DBNL: variants seen among roughly 807,000 people sequenced by gnomAD.
The protein encoded by DBNL is drebrin-like protein.
DBNL carries 35 observed loss-of-function variants against 62.2 expected under a neutral mutation model. That is an observed-to-expected ratio of 0.56 (90% confidence interval 0.43 to 0.75). The LOEUF is 0.75. Among genes scored for constraint, DBNL ranks in the 30% least tolerant of loss-of-function variants. The pLI, the probability that DBNL is intolerant of heterozygous loss-of-function variation, is 0.00. For missense variants in DBNL, 495 were observed against 578.4 expected (o/e 0.86, Z 1.48); for synonymous variants, 197 against 218.0 (o/e 0.90, Z 0.85).
Position 44,062,734 on chromosome 7 carries a change from G to A in DBNL, c.*1818G>A, listed in dbSNP as rs368555190. 2.5e-5 allele frequency: 40 copies of A among 1,612,182 alleles called. No individual in the cohort carries two copies. The African/African-American group carries it at 4.5e-4, about 18-fold the overall frequency. ...CTGCGCTGGACTCCAGGCTGTTGGG[G>A]GAGGTGCCTTTATTGCCCAAGCCCA... On this transcript the variant is annotated 3_prime_UTR_variant, in exon 13 of 13. Transcript: ENST00000448521.
chr7:44,064,798 C>T lies in DBNL; in HGVS notation c.*3882C>T, dbSNP rs1398021169. ...AGAAGCCAGCTGGGGCTGCTGCCCACCCACCCTGCCCAGGCTCCTGAAGGT... is the reference window on the plus strand; with the variant it reads ...AGAAGCCAGCTGGGGCTGCTGCCCATCCACCCTGCCCAGGCTCCTGAAGGT... On this transcript the variant is annotated 3_prime_UTR_variant, in exon 13 of 13. Coordinates refer to ENST00000448521, the MANE Select transcript of DBNL (RefSeq NM_001014436.3). The T allele has an allele frequency of 5.2e-6, 6 of 1,153,412 alleles. No homozygotes were observed. The highest frequency in any genetic ancestry group is 3.9e-5 in the South Asian group (3 of 77,838). The allele number at this position is 1,153,412 out of a possible 1,614,324, so 71.4% of individuals were successfully genotyped here.
In DBNL at chr7:44,063,278, TTTC is replaced by T. The variant is rs1279003429; in HGVS notation, c.*2365_*2367del. 1.3e-5 allele frequency: 4 copies of T among 318,830 alleles called. No individual in the cohort carries two copies. The highest frequency in any genetic ancestry group is 2.4e-5 in the Non-Finnish European group (4 of 167,288). The allele number at this position is 318,830 out of a possible 1,614,324, so 19.8% of individuals were successfully genotyped here. A position where few individuals can be genotyped will look rare whatever the true frequency, so the allele number is the denominator to read the frequency against. ...CTCACCCTTTGTTTTTTTTTTTTCT[TTTC>T]TTTTTCTTTTTCTTTTTTTTGAGAT... On this transcript the variant is annotated 3_prime_UTR_variant, in exon 13 of 13. Transcript: ENST00000448521.
At chr7:44,057,509 C>A (rs2096138614) in intron 5 of DBNL, among the ~76,000 whole-genome samples, 1 of 152,164 alleles carries the variant, frequency 6.6e-6, no homozygotes, top group Non-Finnish European at 1.5e-5. Flanking sequence ...CTTGCCCTGG[C>A]CCCCATCCAT....
Position 44,056,541 on chromosome 7 carries a change from A to C in DBNL, c.328-216A>C, listed in dbSNP as rs78345647. Among the ~76,000 whole-genome samples, 29 of 152,336 alleles carry C rather than the reference A, an allele frequency of 1.9e-4. No homozygotes were observed. The East Asian group carries it at 5.6e-3, about 29-fold the overall frequency. ...AGTGGAGGTCAAGGGTCTCACGTGA[A>C]CTGGGACAAGAATGAGGGGTTTGCT... On this transcript the variant is annotated intron_variant, in intron 4 of 12. Coordinates refer to ENST00000448521, the MANE Select transcript of DBNL (RefSeq NM_001014436.3).
Position 44,062,431 on chromosome 7 carries a change from G to A in DBNL, c.*1515G>A. On this transcript the variant is annotated 3_prime_UTR_variant, in exon 13 of 13. Coordinates refer to ENST00000448521, the MANE Select transcript of DBNL (RefSeq NM_001014436.3). ...GGGCTGTGGTCCTTGCTCCCCATGG[G>A]GAGAGCTGGGTCACTTGGCCTCTTC... 3.5e-5 allele frequency: 13 copies of A among 371,760 alleles called. No homozygotes were observed. The highest frequency in any genetic ancestry group is 3.0e-4 in the South Asian group (13 of 43,236). 23.0% of individuals were successfully genotyped at this position (371,760 alleles called of 1,614,324 possible). A position where few individuals can be genotyped will look rare whatever the true frequency, so the allele number is the denominator to read the frequency against.
In DBNL at chr7:44,064,926, C is replaced by A. The variant is rs150235677; in HGVS notation, c.*4010C>A. The A allele has an allele frequency of 5.0e-4, 810 of 1,610,820 alleles. 2 individuals are homozygous for A. Among genetic ancestry groups the A allele is most frequent in the Non-Finnish European group, 6.6e-4 (774 of 1,179,732 alleles). ...TGATCTGGGGAACAATCTCCTCGTT[C>A]CAGAAGGGCAGGGCCCGGGCAATGG... On this transcript the variant is annotated 3_prime_UTR_variant, in exon 13 of 13. Coordinates refer to ENST00000448521, the MANE Select transcript of DBNL (RefSeq NM_001014436.3).
In DBNL at chr7:44,066,389, C is replaced by T. The variant is rs1562662067; in HGVS notation, c.*5473C>T. The T allele has an allele frequency of 6.6e-6, 1 of 152,432 alleles. No homozygotes were observed. The allele number at this position is 152,432 out of a possible 1,614,324, so 9.4% of individuals were successfully genotyped here. Reference sequence around the variant, plus strand: ...GCTGAAGGGTGGCACGGAGTTGAGTCTAGGACCAAGACTTCTGCATTCAGG... The same window carrying T: ...GCTGAAGGGTGGCACGGAGTTGAGTTTAGGACCAAGACTTCTGCATTCAGG... On this transcript the variant is annotated 3_prime_UTR_variant, in exon 13 of 13. Coordinates refer to ENST00000448521, the MANE Select transcript of DBNL (RefSeq NM_001014436.3).
Position 44,060,764 on chromosome 7 carries a change from A to T in DBNL, c.1154-13A>T. On this transcript the variant is annotated splice_polypyrimidine_tract_variant and intron_variant, in intron 12 of 12. Transcript: ENST00000448521. This position sits in a 1 kb window ranked among gnomAD's most constrained non-coding sequence, Gnocchi z 6.3. ...GAGCCCCTGATATGCATCTGGGCTC[A>T]TCCTCTTTGCAGCCGACGACACAGA... 6.2e-7 allele frequency: 1 copy of T among 1,612,932 alleles called. No individual in the cohort carries two copies. The highest frequency in any genetic ancestry group is 1.3e-5 in the African/African-American group (1 of 74,990).
chr7:44,044,883 C>A (rs768986974), intron 1 of DBNL, 63 bp downstream of exon 1: 10 of 1,314,660 alleles, frequency 7.6e-6, no homozygotes, highest in South Asian at 7.3e-5. Flanking sequence ...CTGTCTGGGG[C>A]GAGCGGGGGA....
rs1375171028 is a variant in DBNL, at chr7:44,065,301, T to C, written c.*4385T>C. On this transcript the variant is annotated 3_prime_UTR_variant, in exon 13 of 13. Coordinates refer to ENST00000448521, the MANE Select transcript of DBNL (RefSeq NM_001014436.3). ...CAAGTGCGCACCACAGGCAGCCACA[T>C]CTGGTCCGTGCCGTCCAGGATGGCC... 6.2e-7 allele frequency: 1 copy of C among 1,613,668 alleles called. No homozygotes were observed. Among genetic ancestry groups the C allele is most frequent in the Non-Finnish European group, 8.5e-7 (1 of 1,180,030 alleles).
chr7:44,058,392 A>C, intron 7 of DBNL, 40 bp from the exon 8 acceptor site: 1 of 1,613,978 alleles, frequency 6.2e-7, no homozygotes, highest in Non-Finnish European at 8.5e-7. Flanking sequence ...AGAAGCTGTG[A>C]CTGTGCCTCA....
chr7:44,063,079 A>G lies in DBNL; in HGVS notation c.*2163A>G, dbSNP rs2096152226. 4 of 840,480 alleles carry G rather than the reference A, an allele frequency of 4.8e-6. No homozygotes were observed. Among genetic ancestry groups the G allele is most frequent in the Non-Finnish European group, 7.9e-6 (4 of 505,576 alleles). 52.1% of individuals were successfully genotyped at this position (840,480 alleles called of 1,614,324 possible). On this transcript the variant is annotated 3_prime_UTR_variant, in exon 13 of 13. Transcript: ENST00000448521. Reference sequence around the variant, plus strand: ...AGAACGAGGCCACAGAAATGTTGCCAAAGGTCAAGGAGTAACTGAGTTAGA... The same window carrying G: ...AGAACGAGGCCACAGAAATGTTGCCGAAGGTCAAGGAGTAACTGAGTTAGA...
chr7:44,045,371 T>C (rs766999127), intron 1 of DBNL, among the ~76,000 whole-genome samples: 1 of 152,208 alleles, frequency 6.6e-6, no homozygotes, highest in Non-Finnish European at 1.5e-5. Flanking sequence ...GAACGTGGAC[T>C]TCAGAACTTT....
At chr7:44,049,437 C>G (rs1217327437) in intron 1 of DBNL, among the ~76,000 whole-genome samples, 1 of 152,244 alleles carries the variant, frequency 6.6e-6, no homozygotes, top group Non-Finnish European at 1.5e-5. Context: ...GCTGGGATTA[C>G]AGGCGTGAGC....
intron 3 of DBNL, 25 bp downstream of exon 3, chr7:44,051,967 G>A: frequency 6.2e-7 from 1 of 1,603,986 alleles, no homozygotes; most frequent in Non-Finnish European, 8.5e-7. Context: ...TTTCATCTAG[G>A]TGTGACCCAG....
intron 5 of DBNL, 104 bp from the exon 6 acceptor site, chr7:44,057,678 C>A: frequency 8.0e-7 from 1 of 1,257,650 alleles, no homozygotes; most frequent in Non-Finnish European, 1.1e-6. Context: ...GTCCTAGCAG[C>A]ACTCACCTGT....
chr7:44,058,644 C>T (rs1386682120), intron 8 of DBNL, 164 bp downstream of exon 8: 2 of 1,034,028 alleles, frequency 1.9e-6, no homozygotes, highest in Non-Finnish European at 2.8e-6. Flanking sequence ...GAGAGGAAAG[C>T]CAAAGGCGGA....
rs990564712 is a variant in DBNL at position 44,064,932 on chromosome 7, G to T, written c.*4016G>T. Reference sequence around the variant, plus strand: ...GGGGAACAATCTCCTCGTTCCAGAAGGGCAGGGCCCGGGCAATGGTGTCCT... The same window carrying T: ...GGGGAACAATCTCCTCGTTCCAGAATGGCAGGGCCCGGGCAATGGTGTCCT... On this transcript the variant is annotated 3_prime_UTR_variant, in exon 13 of 13. Transcript: ENST00000448521. 2.5e-6 allele frequency: 4 copies of T among 1,610,622 alleles called. No homozygotes were observed. The African/African-American group carries it at 4.0e-5, about 16-fold the overall frequency.
At chr7:44,051,989 G>T (rs769695990) in intron 3 of DBNL, 47 bp downstream of exon 3, 4 of 1,563,708 alleles carry the variant, frequency 2.6e-6, no homozygotes, top group Non-Finnish European at 3.5e-6. Flanking sequence ...AAACCCCATT[G>T]TCTTCTTTCC....
Sources: gnomAD v4.1 joint callset for allele counts (sites outside exome capture counted in the v4.1 genomes callset) on GRCh38, gnomAD v4.1.1 for gene constraint, Gnocchi (gnomAD v3.1) non-coding constraint, MANE v1.5 for transcripts, NCBI Gene and HGNC (gene_info 2026-07-23, HGNC 2026-07-21) for gene names.